The following ZNF395 variants were observed in gnomAD, a reference collection of about 807,000 sequenced individuals.
The protein encoded by ZNF395 is zinc finger protein 395, also known as HD gene regulatory region-binding protein 2.
In ZNF395, 20 loss-of-function variants were observed where a neutral mutation model predicts 57.7. The ratio of observed to expected loss-of-function variants is 0.35; its 90% CI spans 0.24 to 0.50. ZNF395 has a LOEUF of 0.50. ZNF395 is among the 20% of genes least tolerant of loss of function. ZNF395 has a pLI of 0.97. For missense variants in ZNF395, 606 were observed against 671.2 expected, an observed-to-expected ratio of 0.90 and a Z score of 1.07; for synonymous variants, 295 against 275.9, an observed-to-expected ratio of 1.07 and a Z score of -0.69.
Position 28,346,977 on chromosome 8 carries a change from AC to A in ZNF395, c.*1741del, listed in dbSNP as rs1444954522. On this transcript the variant is annotated 3_prime_UTR_variant, in exon 10 of 10. Coordinates refer to ENST00000344423, the MANE Select transcript of ZNF395 (RefSeq NM_018660.3). ...TTTTTACTAAGTTATAAAAAAAAAAACCCCATCACCAAAGACACCTGTGCAC... is the reference window on the plus strand; with the variant it reads ...TTTTTACTAAGTTATAAAAAAAAAAACCCATCACCAAAGACACCTGTGCAC... The A allele has an allele frequency of 2.0e-5, 3 of 150,590 alleles. No homozygotes were observed. The highest frequency in any genetic ancestry group is 7.3e-5 in the African/African-American group (3 of 40,830). The allele number at this position is 150,590 out of a possible 1,614,324, so 9.3% of individuals were successfully genotyped here.
chr8:28,350,056 A>C lies in ZNF395; in HGVS notation c.1326+8T>G, dbSNP rs1461882316. 1 of 1,590,556 alleles carries C rather than the reference A, an allele frequency of 6.3e-7. No homozygotes were observed. Among genetic ancestry groups the C allele is most frequent in the Non-Finnish European group, 8.5e-7 (1 of 1,172,644 alleles). ...ACGAGGCCCCAGCCGTGCTGCCCGCACACTCACCGGAGAGAGAGAGCAGGC... is the reference window on the plus strand; with the variant it reads ...ACGAGGCCCCAGCCGTGCTGCCCGCCCACTCACCGGAGAGAGAGAGCAGGC... On this transcript the variant is annotated splice_region_variant and intron_variant, in intron 8 of 9. Transcript: ENST00000344423.
intron 1 of ZNF395, among the ~76,000 whole-genome samples, chr8:28,372,881 G>A (rs962023443): frequency 2.0e-5 from 3 of 152,154 alleles, no homozygotes; most frequent in Non-Finnish European, 4.4e-5. Context: ...AGAAGGCAGC[G>A]CTCTTCAGGA....
At chr8:28,383,906 T>C (rs1802140057) in intron 1 of ZNF395, among the ~76,000 whole-genome samples, 1 of 152,150 alleles carries the variant, frequency 6.6e-6, no homozygotes. Flanking sequence ...CTCTCCAAAA[T>C]ACACATTTCC....
At chr8:28,381,889 T>C (rs1802113980) in intron 1 of ZNF395, among the ~76,000 whole-genome samples, 1 of 152,098 alleles carries the variant, frequency 6.6e-6, no homozygotes, top group African/African-American at 2.4e-5. Flanking sequence ...ATTCCCATCA[T>C]CATAAAAATA....
intron 5 of ZNF395, among the ~76,000 whole-genome samples, 170 bp downstream of exon 5, chr8:28,353,003 A>C (rs1801735908): frequency 6.6e-6 from 1 of 152,216 alleles, no homozygotes; most frequent in Admixed American, 6.5e-5. Context: ...TAGGAGAAGG[A>C]GAATCCTGGG....
chr8:28,350,092 G>A lies in ZNF395; in HGVS notation c.1298C>T (p.Ala433Val). 6.2e-7 allele frequency: 1 copy of A among 1,606,720 alleles called. No individual in the cohort carries two copies. The highest frequency in any genetic ancestry group is 8.5e-7 in the Non-Finnish European group (1 of 1,178,132). ...AGAGAGAGAGCAGGCGGCGGAGGGG[G>A]CAGCAGCCCAGCTGACACTGGTGTA... The part of the protein sequence containing the change: ...HIYTSVSWAA[A>V]PSAACSLSPV... Residue 433 changes from alanine to valine, a missense_variant, in exon 8 of 10, where the codon GCC (alanine) becomes GTC (valine). Physicochemically the swap from Ala to Val is moderately conservative, Grantham distance 64 (BLOSUM62 0). Around this residue, in one of 3 missense-constraint regions of ZNF395, gnomAD observed 261 missense variants for 240.3 expected, o/e 1.09. Transcript: ENST00000344423.
chr8:28,385,272 T>C (rs1380294243), intron 1 of ZNF395: 3 of 152,552 alleles, frequency 2.0e-5, no homozygotes, highest in Non-Finnish European at 4.4e-5. Flanking sequence ...CCCTTCCCGC[T>C]GGCCAGGTGG....
intron 1 of ZNF395, among the ~76,000 whole-genome samples, chr8:28,363,614 CT>C (rs1205742406): frequency 6.6e-6 from 1 of 152,104 alleles, no homozygotes; most frequent in East Asian, 1.9e-4. Context: ...AACTGCACCA[CT>C]TTTCTTGGCC....
At chr8:28,383,918 A>T (rs189843709) in intron 1 of ZNF395, among the ~76,000 whole-genome samples, 35 of 152,230 alleles carry the variant, frequency 2.3e-4, no homozygotes, top group Admixed American at 2.0e-3. Context: ...CACATTTCCG[A>T]TTTCTCAAGT....
chr8:28,351,599 A>G lies in ZNF395; in HGVS notation c.1129T>C (p.Ser377Pro). 1 of 1,613,732 alleles carries G rather than the reference A, an allele frequency of 6.2e-7. No homozygotes were observed. Among genetic ancestry groups the G allele is most frequent in the East Asian group, 2.2e-5 (1 of 44,868 alleles). Reference sequence around the variant, plus strand: ...TCCGGGCCAGGATGTTCTGGGCCGGAGGACTGGGCTTTGTGCAGAGGTGGT... The same window carrying G: ...TCCGGGCCAGGATGTTCTGGGCCGGGGGACTGGGCTTTGTGCAGAGGTGGT... ...LPPPLHKAQSSGPEHPGPESS... is the reference protein window; with the variant it reads ...LPPPLHKAQSPGPEHPGPESS... Residue 377 changes from serine (S) to proline (P), a missense_variant, in exon 7 of 10, where the codon TCC becomes CCC. By Grantham distance (74) the Ser-to-Pro change is moderately conservative. Coordinates refer to ENST00000344423, the MANE Select transcript of ZNF395 (RefSeq NM_018660.3).
At chr8:28,377,780 T>TG (rs1802059544) in intron 1 of ZNF395, among the ~76,000 whole-genome samples, 1 of 137,534 alleles carries the variant, frequency 7.3e-6, no homozygotes, top group East Asian at 2.1e-4. Context: ...TTTTGAGAGA[T>TG]GGAGTCTCAC....
chr8:28,362,280 C>T (rs893794814), intron 1 of ZNF395, among the ~76,000 whole-genome samples: 1 of 152,122 alleles, frequency 6.6e-6, no homozygotes, highest in African/African-American at 2.4e-5. Context: ...AGGCCTGACC[C>T]GGCTGGCAGA....
intron 1 of ZNF395, among the ~76,000 whole-genome samples, chr8:28,361,861 A>C (rs1801853918): frequency 6.6e-6 from 1 of 152,150 alleles, no homozygotes; most frequent in Non-Finnish European, 1.5e-5. Flanking sequence ...GGAGGCTGAG[A>C]TAGATGGATC....
chr8:28,353,450 G>T lies in ZNF395; in HGVS notation c.584-42C>A. 4.2e-6 allele frequency: 6 copies of T among 1,426,126 alleles called. No individual in the cohort carries two copies. In the East Asian group the frequency reaches 1.2e-4, roughly 29 times the overall value. The allele number at this position is 1,426,126 out of a possible 1,614,324, so 88.3% of individuals were successfully genotyped here. ...AAGATGAGAGGACGCTCACGGGCGT[G>T]TCCCTGGGCAAACTCTCCCTTCTGA... On this transcript the variant is annotated intron_variant, in intron 4 of 9. Coordinates refer to ENST00000344423, the MANE Select transcript of ZNF395 (RefSeq NM_018660.3).
At position 28,359,621 on chromosome 8, in the gene ZNF395, G is replaced by T. The variant is rs145503959; in HGVS notation, c.444C>A (p.Pro148=). Residue 148 remains proline, a synonymous_variant, in exon 3 of 10, where the codon CCC becomes CCA. Transcript: ENST00000344423. The surrounding 1 kb of genome is among the most constrained non-coding windows in gnomAD (Gnocchi z 4.7). ...EPGAQALAYR[P]VSRNIDVPKR... is the part of the protein sequence containing the mutation. ...TTGGGACATCGATGTTCCTGGAGACGGGCCTGTAGGCCAGGGCCTGGGCTC... is the reference window on the plus strand; with the variant it reads ...TTGGGACATCGATGTTCCTGGAGACTGGCCTGTAGGCCAGGGCCTGGGCTC... 1.8e-4 allele frequency: 287 copies of T among 1,606,482 alleles called. No individual in the cohort carries two copies. In the Middle Eastern group the frequency reaches 2.0e-3, roughly 11 times the overall value.
intron 1 of ZNF395, among the ~76,000 whole-genome samples, chr8:28,379,759 T>C (rs1802087074): frequency 1.3e-5 from 2 of 149,878 alleles, no homozygotes; most frequent in African/African-American, 5.1e-5. Context: ...TTCTTGTCCT[T>C]GAACCATAAA....
intron 1 of ZNF395, among the ~76,000 whole-genome samples, chr8:28,367,883 A>G (rs954161191): frequency 6.6e-6 from 1 of 152,264 alleles, no homozygotes. Context: ...TGAAGGCAAA[A>G]GTATCAAGAG....
chr8:28,365,133 C>T (rs1180146234), intron 1 of ZNF395, among the ~76,000 whole-genome samples: 6 of 152,190 alleles, frequency 3.9e-5, no homozygotes, highest in Non-Finnish European at 8.8e-5. Context: ...AGGCATCACT[C>T]GATGCCTCGC....
rs1275508218 is a variant in ZNF395 at position 28,359,746 on chromosome 8, A to T, written c.319T>A (p.Trp107Arg). The part of the protein sequence containing the change: ...HSWMEGQVTV[W>R]LLEQKLQVCC... The stretch of plus-strand genomic sequence containing the variant: ...ACCTGCAGCTTCTGCTCCAGCAGCC[A>T]GACGGTCACCTGACCCTCCATCCAG... The change falls in exon 3 of 10, where the codon TGG (tryptophan) becomes AGG (arginine). Residue 107 changes from tryptophan (W) to arginine (R), a missense_variant. This residue lies in a region of ZNF395 where 309 missense variants were observed against 374.7 expected (regional missense o/e 0.82). Transcript: ENST00000344423. The surrounding 1 kb of genome is among the most constrained non-coding windows in gnomAD (Gnocchi z 4.7). The T allele has an allele frequency of 6.2e-7, 1 of 1,614,108 alleles. No homozygotes were observed. The highest frequency in any genetic ancestry group is 1.1e-5 in the South Asian group (1 of 91,076).
Sources: gnomAD v4.1 joint callset for allele counts (sites outside exome capture counted in the v4.1 genomes callset) on GRCh38, gnomAD v4.1.1 for gene constraint, gnomAD v4.1.1 regional missense constraint, Gnocchi (gnomAD v3.1) non-coding constraint, MANE v1.5 for transcripts, NCBI Gene and HGNC (gene_info 2026-07-23, HGNC 2026-07-21) for gene names.